CHRNG: variants seen among roughly 807,000 people sequenced by gnomAD.
The protein encoded by CHRNG is cholinergic receptor nicotinic gamma subunit.
CHRNG carries 72 observed loss-of-function variants against 65.2 expected under a neutral mutation model. The ratio of observed to expected loss-of-function variants is 1.10; its 90% CI spans 0.91 to 1.34. The LOEUF (loss-of-function observed/expected upper bound fraction) is 1.34, where lower values mean the gene tolerates loss of function less well. Among genes scored for constraint, CHRNG ranks in the 40% most tolerant of loss-of-function variants. The pLI is 0.00. For synonymous variants in CHRNG, 284 were observed against 290.2 expected (o/e 0.98, Z 0.22); for missense variants, 637 against 680.1 (o/e 0.94, Z 0.70).
rs1347509577 is a variant in CHRNG, at chr2:232,541,245, G to C, written c.351-129G>C. ...AGTGGTCCGGGTGGGAACCAGTCAG[G>C]GGGTGACAGGCTGGTAGGGACTGGT... On this transcript the variant is annotated intron_variant, in intron 4 of 11. Transcript: ENST00000651502. This position sits in a 1 kb window ranked among gnomAD's most constrained non-coding sequence, Gnocchi z 4.0. 1 of 1,168,368 alleles carries C rather than the reference G, an allele frequency of 8.6e-7. No individual in the cohort carries two copies. The highest frequency in any genetic ancestry group is 2.4e-5 in the East Asian group (1 of 42,268). The allele number at this position is 1,168,368 out of a possible 1,614,324, so 72.4% of individuals were successfully genotyped here.
chr2:232,542,268 A>G (rs886466588), intron 5 of CHRNG, among the ~76,000 whole-genome samples, 155 bp from the exon 6 acceptor site: 2 of 152,160 alleles, frequency 1.3e-5, no homozygotes, highest in African/African-American at 2.4e-5. Context: ...CCTGCTCTCC[A>G]TATCTCGCCA....
Position 232,545,832 on chromosome 2 carries a change from A to G in CHRNG, c.*116A>G, listed in dbSNP as rs2106223911. The G allele has an allele frequency of 1.7e-6, 2 of 1,197,450 alleles. No homozygotes were observed. Among genetic ancestry groups the G allele is most frequent in the Non-Finnish European group, 2.4e-6 (2 of 818,808 alleles). 74.2% of individuals were successfully genotyped at this position (1,197,450 alleles called of 1,614,324 possible). A position where few individuals can be genotyped will look rare whatever the true frequency, so the allele number is the denominator to read the frequency against. ...TGCTCTTTGGGAAGTGCCCTTCAGG[A>G]CTGTGTGAGCCAAACAGCCCTGAGA... On this transcript the variant is annotated 3_prime_UTR_variant, in exon 12 of 12. Coordinates refer to ENST00000651502, the MANE Select transcript of CHRNG (RefSeq NM_005199.5).
At chr2:232,545,357 A>G (rs1692106076) in intron 11 of CHRNG, among the ~76,000 whole-genome samples, 186 bp from the exon 12 acceptor site, 1 of 138,452 alleles carries the variant, frequency 7.2e-6, no homozygotes. Context: ...AAAAAGGAAC[A>G]GGGGCAGGGG....
Position 232,540,640 on chromosome 2 carries a change from C to G in CHRNG, c.279C>G (p.Asp93Glu), listed in dbSNP as rs754362293. ...CDYRLRWDPRDYEGLWVLRVP... is the reference protein window; with the variant it reads ...CDYRLRWDPREYEGLWVLRVP... ...ATCGCCTGCGCTGGGATCCGCGAGA[C>G]TACGAAGGCCTGTGGGTGCTGAGGG... Residue 93 changes from aspartate (D) to glutamate (E), a missense_variant, in exon 4 of 12, where the codon GAC becomes GAG. By Grantham distance (45) the Asp-to-Glu change is conservative (BLOSUM62 2). Coordinates refer to ENST00000651502, the MANE Select transcript of CHRNG (RefSeq NM_005199.5). The surrounding 1 kb of genome is among the most constrained non-coding windows in gnomAD (Gnocchi z 4.2). 6.2e-7 allele frequency: 1 copy of G among 1,613,158 alleles called. No homozygotes were observed. Among genetic ancestry groups the G allele is most frequent in the Admixed American group, 1.7e-5 (1 of 60,020 alleles).
chr2:232,548,085 T>C lies in CHRNG; in HGVS notation c.*2369T>C, dbSNP rs1301942279. On this transcript the variant is annotated 3_prime_UTR_variant, in exon 12 of 12. Transcript: ENST00000651502. ...TACATACCTAAATTTAAAAATACTT[T>C]ATTGCTAAAAAATGCTGATTATCAA... 2 of 618,536 alleles carry C rather than the reference T, an allele frequency of 3.2e-6. No individual in the cohort carries two copies. The highest frequency in any genetic ancestry group is 5.5e-6 in the Non-Finnish European group (2 of 365,328). 38.3% of individuals were successfully genotyped at this position (618,536 alleles called of 1,614,324 possible).
Position 232,543,666 on chromosome 2 carries a change from A to C in CHRNG, c.1002A>C (p.Pro334=), listed in dbSNP as rs1345190136. 6.2e-7 allele frequency: 1 copy of C among 1,607,958 alleles called. No individual in the cohort carries two copies. The highest frequency in any genetic ancestry group is 1.7e-5 in the Admixed American group (1 of 59,986). ...VVVLNVSLRS[P]HTHSMARGVR... is the part of the protein sequence containing the mutation. ...TGCTCAATGTCTCCTTGCGGTCTCC[A>C]CACACACACTCCATGGCCCGAGGGG... The change falls in exon 9 of 12, where the codon CCA becomes CCC. Residue 334 remains proline (P), a synonymous_variant. Coordinates refer to ENST00000651502, the MANE Select transcript of CHRNG (RefSeq NM_005199.5).
At position 232,544,461 on chromosome 2, in the gene CHRNG, G is replaced by A; in HGVS notation, c.1130G>A (p.Gly377Asp). Residue 377 changes from glycine (G) to aspartate (D), a missense_variant, in exon 10 of 12, where the codon GGC (glycine) becomes GAC (aspartate). By Grantham distance (94) the Gly-to-Asp change is moderately conservative. Coordinates refer to ENST00000651502, the MANE Select transcript of CHRNG (RefSeq NM_005199.5). ...VQDTQSRLQN[G>D]SSGWSITTGE... ...GACACCCAGTCCCGGCTACAGAATGGCTCCTCGGGATGGTCGATCACAACT... is the reference window on the plus strand; with the variant it reads ...GACACCCAGTCCCGGCTACAGAATGACTCCTCGGGATGGTCGATCACAACT... 1 of 1,613,724 alleles carries A rather than the reference G, an allele frequency of 6.2e-7. No homozygotes were observed. The highest frequency in any genetic ancestry group is 8.5e-7 in the Non-Finnish European group (1 of 1,179,988).
At chr2:232,545,126 A>C (rs1434545297) in intron 11 of CHRNG, among the ~76,000 whole-genome samples, 1 of 152,052 alleles carries the variant, frequency 6.6e-6, no homozygotes, top group Non-Finnish European at 1.5e-5. Context: ...GCAAAACCCT[A>C]TCTCTACCAA....
Position 232,541,640 on chromosome 2 carries a change from G to C in CHRNG, c.506+111G>C, listed in dbSNP as rs964678420. On this transcript the variant is annotated intron_variant, in intron 5 of 11. Transcript: ENST00000651502. This position sits in a 1 kb window ranked among gnomAD's most constrained non-coding sequence, Gnocchi z 4.0. ...GGCCTTGGCTCTGGCAGCACCTAGAGGCCTGGCTCCATCTCCCCTGGGCCT... is the reference window on the plus strand; with the variant it reads ...GGCCTTGGCTCTGGCAGCACCTAGACGCCTGGCTCCATCTCCCCTGGGCCT... 2.2e-6 allele frequency: 3 copies of C among 1,348,748 alleles called. No individual in the cohort carries two copies. The highest frequency in any genetic ancestry group is 2.9e-5 in the African/African-American group (2 of 69,632). 83.5% of individuals were successfully genotyped at this position (1,348,748 alleles called of 1,614,324 possible).
chr2:232,539,979 C>T lies in CHRNG; in HGVS notation c.56-13C>T. On this transcript the variant is annotated splice_polypyrimidine_tract_variant and intron_variant, in intron 1 of 11. Transcript: ENST00000651502. Reference sequence around the variant, plus strand: ...CTCCAAGCTCCTGCTAGGCTCACGCCTGTCTATTGCAGGGGCCCAGGGCCG... The same window carrying T: ...CTCCAAGCTCCTGCTAGGCTCACGCTTGTCTATTGCAGGGGCCCAGGGCCG... 1 of 1,614,132 alleles carries T rather than the reference C, an allele frequency of 6.2e-7. No homozygotes were observed. The highest frequency in any genetic ancestry group is 8.5e-7 in the Non-Finnish European group (1 of 1,180,014).
rs72991939 is a variant in CHRNG at position 232,546,284 on chromosome 2, C to T, written c.*568C>T. ...CATTTTTCTGCCACTGACCACAAGACGATTTCCTGAGTTTTGTAATCCTCT... is the reference window on the plus strand; with the variant it reads ...CATTTTTCTGCCACTGACCACAAGATGATTTCCTGAGTTTTGTAATCCTCT... On this transcript the variant is annotated 3_prime_UTR_variant, in exon 12 of 12. Coordinates refer to ENST00000651502, the MANE Select transcript of CHRNG (RefSeq NM_005199.5). The T allele has an allele frequency of 0.19, 28,229 of 150,740 alleles. 2,896 individuals are homozygous for T. Among genetic ancestry groups the T allele is most frequent in the Middle Eastern group, 0.27 (75 of 280 alleles). The allele number at this position is 150,740 out of a possible 1,614,324, so 9.3% of individuals were successfully genotyped here.
At position 232,541,632 on chromosome 2, in the gene CHRNG, C is replaced by G. The variant is rs1383801168; in HGVS notation, c.506+103C>G. On this transcript the variant is annotated intron_variant, in intron 5 of 11. Transcript: ENST00000651502. This position sits in a 1 kb window ranked among gnomAD's most constrained non-coding sequence, Gnocchi z 4.0. ...AGGCTTCTGGCCTTGGCTCTGGCAG[C>G]ACCTAGAGGCCTGGCTCCATCTCCC... 3 of 1,396,152 alleles carry G rather than the reference C, an allele frequency of 2.1e-6. No homozygotes were observed. Among genetic ancestry groups the G allele is most frequent in the African/African-American group, 1.4e-5 (1 of 70,606 alleles). 86.5% of individuals were successfully genotyped at this position (1,396,152 alleles called of 1,614,324 possible). A position where few individuals can be genotyped will look rare whatever the true frequency, so the allele number is the denominator to read the frequency against.
chr2:232,545,839 GA>G lies in CHRNG; in HGVS notation c.*124del. ...TGGGAAGTGCCCTTCAGGACTGTGT[GA>G]GCCAAACAGCCCTGAGAAAAGCTGG... On this transcript the variant is annotated 3_prime_UTR_variant, in exon 12 of 12. Coordinates refer to ENST00000651502, the MANE Select transcript of CHRNG (RefSeq NM_005199.5). 1 of 1,112,614 alleles carries G rather than the reference GA, an allele frequency of 9.0e-7. No homozygotes were observed. The highest frequency in any genetic ancestry group is 1.3e-6 in the Non-Finnish European group (1 of 745,216). 68.9% of individuals were successfully genotyped at this position (1,112,614 alleles called of 1,614,324 possible).
intron 11 of CHRNG, among the ~76,000 whole-genome samples, 166 bp downstream of exon 11, chr2:232,545,068 G>A (rs929958298): frequency 8.5e-5 from 13 of 152,110 alleles, no homozygotes; most frequent in Admixed American, 5.2e-4. Flanking sequence ...AGGCCGAGGC[G>A]AGTGGATCAC....
chr2:232,542,810 G>A, intron 6 of CHRNG, 72 bp from the exon 7 acceptor site: 1 of 1,371,444 alleles, frequency 7.3e-7, no homozygotes, highest in Non-Finnish European at 1.0e-6. Flanking sequence ...CTTGCAGCTG[G>A]GTCACTCGGC....
chr2:232,542,454 C>A lies in CHRNG; in HGVS notation c.538C>A (p.Leu180Met). The A allele has an allele frequency of 6.2e-7, 1 of 1,613,970 alleles. No individual in the cohort carries two copies. The highest frequency in any genetic ancestry group is 8.5e-7 in the Non-Finnish European group (1 of 1,179,860). Reference protein sequence around the residue: ...SQTYSTNEIDLQLSQEDGQTI... With the variant: ...SQTYSTNEIDMQLSQEDGQTI... ...GACTTACAGCACCAATGAGATTGATCTGCAGCTGAGTCAGGAAGATGGCCA... is the reference window on the plus strand; with the variant it reads ...GACTTACAGCACCAATGAGATTGATATGCAGCTGAGTCAGGAAGATGGCCA... Residue 180 changes from leucine to methionine, a missense_variant, in exon 6 of 12, where the codon CTG becomes ATG. By Grantham distance (15) the Leu-to-Met change is conservative (BLOSUM62 2). Coordinates refer to ENST00000651502, the MANE Select transcript of CHRNG (RefSeq NM_005199.5).
chr2:232,543,485 C>CT lies in CHRNG; in HGVS notation c.920+96_920+97insT. On this transcript the variant is annotated intron_variant, in intron 8 of 11. Transcript: ENST00000651502. Reference sequence around the variant, plus strand: ...TGCCCTCTTGCCCTCCATCCACCCCCCCCATCCTCAATTCAGGAGGCCTGA... The same window carrying CT: ...TGCCCTCTTGCCCTCCATCCACCCCCTCCCATCCTCAATTCAGGAGGCCTGA... The CT allele has an allele frequency of 2.6e-5, 31 of 1,183,120 alleles. No homozygotes were observed. The South Asian group carries it at 3.2e-4, about 12-fold the overall frequency. 73.3% of individuals were successfully genotyped at this position (1,183,120 alleles called of 1,614,324 possible).
intron 11 of CHRNG, 149 bp downstream of exon 11, chr2:232,545,051 C>T (rs775121994): frequency 4.9e-6 from 5 of 1,016,654 alleles, no homozygotes; most frequent in Non-Finnish European, 5.9e-6. Context: ...AATCCCAGTA[C>T]TTTGGGAGGC....
In CHRNG at chr2:232,541,330, G is replaced by C; in HGVS notation, c.351-44G>C. 2.5e-5 allele frequency: 41 copies of C among 1,613,084 alleles called. No individual in the cohort carries two copies. The highest frequency in any genetic ancestry group is 3.5e-5 in the Non-Finnish European group (41 of 1,179,646). ...CTGGTCTGGGGCTGGGGTGTCGGGG[G>C]CTGAGCCCACAGCCTCGTGGCCTGG... On this transcript the variant is annotated intron_variant, in intron 4 of 11. Coordinates refer to ENST00000651502, the MANE Select transcript of CHRNG (RefSeq NM_005199.5). This position sits in a 1 kb window ranked among gnomAD's most constrained non-coding sequence, Gnocchi z 4.0.
Sources: allele counts gnomAD v4.1 joint callset (sites outside exome capture counted in the v4.1 genomes callset), GRCh38; gene constraint gnomAD v4.1.1; non-coding constraint Gnocchi (gnomAD v3.1); transcripts MANE v1.5; gene names NCBI Gene and HGNC (gene_info 2026-07-23, HGNC 2026-07-21).